Variants in ATP2C1 observed in about 807,000 individuals in gnomAD.
The protein encoded by ATP2C1 is calcium-transporting ATPase type 2C member 1.
A neutral mutation model predicts 120.5 loss-of-function variants in ATP2C1; 31 were observed. That is an observed-to-expected ratio of 0.26 (90% CI 0.19 to 0.35). The LOEUF (loss-of-function observed/expected upper bound fraction) is 0.35. Ranked by LOEUF, ATP2C1 falls within the 10% of genes least tolerant of loss-of-function variation. ATP2C1 has a pLI of 1.00. For synonymous variants in ATP2C1, 351 were observed against 358.7 expected, an observed-to-expected ratio of 0.98 and a Z score of 0.24; for missense variants, 731 against 1,107.5, an observed-to-expected ratio of 0.66 and a Z score of 4.83.
chr3:130,918,288 A>G (rs35247145), intron 2 of ATP2C1: 38 of 1,552,346 alleles, frequency 2.4e-5, no homozygotes, highest in African/African-American at 6.8e-5. Context: ...TTCTTTGCAT[A>G]GCACCCTTTA....
intron 1 of ATP2C1, among the ~76,000 whole-genome samples, chr3:130,873,753 T>G (rs1194544747): frequency 6.6e-6 from 1 of 152,154 alleles, no homozygotes; most frequent in African/African-American, 2.4e-5. Context: ...TTTAAGTAAG[T>G]GTAAATTTAG....
At chr3:130,889,638 C>CTTT (rs1170424148), upstream of ATP2C1, among the ~76,000 whole-genome samples, 1,416 of 77,544 alleles carry the variant, frequency 0.018, 57 homozygotes, top group East Asian at 0.12. Context: ...ATTCTTTAAA[C>CTTT]TTTTTTTTTT....
intron 1 of ATP2C1, among the ~76,000 whole-genome samples, chr3:130,863,525 T>C (rs2068079655): frequency 6.6e-6 from 1 of 152,222 alleles, no homozygotes; most frequent in African/African-American, 2.4e-5. Flanking sequence ...AGATAAAGTC[T>C]TTAAGAATTC....
intron 15 of ATP2C1, 43 bp from the exon 16 acceptor site, chr3:130,967,287 A>C (rs376833659): frequency 1.2e-5 from 20 of 1,611,968 alleles, no homozygotes; most frequent in Non-Finnish European, 1.6e-5. Context: ...ATAATAACTT[A>C]AGACACAGTG....
chr3:130,907,064 TTA>T (rs1475083160), intron 2 of ATP2C1, among the ~76,000 whole-genome samples: 1 of 139,976 alleles, frequency 7.1e-6, no homozygotes, highest in African/African-American at 2.9e-5. Context: ...TAAGAGTTCT[TTA>T]TATATATGTG....
chr3:130,933,633 T>G (rs2059545897), intron 4 of ATP2C1, among the ~76,000 whole-genome samples: 1 of 152,214 alleles, frequency 6.6e-6, no homozygotes, highest in Non-Finnish European at 1.5e-5. Flanking sequence ...TAGGGCAGTT[T>G]AACTTATTAT....
intron 1 of ATP2C1, among the ~76,000 whole-genome samples, chr3:130,853,015 C>T (rs572856567): frequency 6.6e-6 from 1 of 152,196 alleles, no homozygotes; most frequent in East Asian, 1.9e-4. Context: ...TTCCTATATT[C>T]ACATAGCACT....
upstream of ATP2C1, among the ~76,000 whole-genome samples, chr3:130,893,336 C>T (rs1459441763): frequency 6.6e-6 from 1 of 152,218 alleles, no homozygotes; most frequent in African/African-American, 2.4e-5. Context: ...CCATATACCA[C>T]AAACGAATGA....
intron 22 of ATP2C1, 55 bp from the exon 23 acceptor site, chr3:130,995,988 A>G (rs1256621926): frequency 2.6e-6 from 3 of 1,146,538 alleles, no homozygotes; most frequent in African/African-American, 1.5e-5. Context: ...TTTAGTATAG[A>G]TACATTTTTG....
intron 2 of ATP2C1, among the ~76,000 whole-genome samples, chr3:130,908,955 T>G (rs1218953691): frequency 6.6e-6 from 1 of 152,144 alleles, no homozygotes; most frequent in African/African-American, 2.4e-5. Context: ...GATTTATCTT[T>G]TAAGAGTTGT....
intron 6 of ATP2C1, among the ~76,000 whole-genome samples, chr3:130,937,736 C>A (rs1325483502): frequency 2.0e-5 from 3 of 152,074 alleles, no homozygotes; most frequent in Admixed American, 2.0e-4. Context: ...AAACAAAAAG[C>A]ATAGTAATAG....
At position 130,998,362 on chromosome 3, in the gene ATP2C1, G is replaced by T; in HGVS notation, c.2460G>T (p.Met820Ile). The change falls in exon 26 of 28, where the codon ATG (methionine) becomes ATT (isoleucine). Residue 820 changes from methionine (M) to isoleucine (I), a missense_variant. Met to Ile is a conservative substitution (Grantham distance 10). Around this residue, in one of 3 missense-constraint regions of ATP2C1, gnomAD observed 141 missense variants for 201.6 expected, o/e 0.70. Transcript: ENST00000510168. Reference sequence around the variant, plus strand: ...TCACATGCTTTGTGTTTTTTGACATGTTCAATGCACTAAGTTCCAGATCCC... The same window carrying T: ...TCACATGCTTTGTGTTTTTTGACATTTTCAATGCACTAAGTTCCAGATCCC... The part of the protein sequence containing the change: ...MTFTCFVFFD[M>I]FNALSSRSQT... The T allele has an allele frequency of 2.5e-6, 4 of 1,610,216 alleles. No individual in the cohort carries two copies. The highest frequency in any genetic ancestry group is 2.5e-6 in the Non-Finnish European group (3 of 1,176,500).
At position 130,994,021 on chromosome 3, in the gene ATP2C1, G is replaced by C. The variant is rs765962276; in HGVS notation, c.1980G>C (p.Ala660=). The part of the protein sequence containing the change: ...VALKAADIGV[A]MGQTGTDVCK... ...TGAAGGCTGCAGACATTGGAGTTGC[G>C]ATGGGCCAGACTGGTACAGATGTTT... Residue 660 remains alanine, a synonymous_variant, in exon 22 of 28, where the codon GCG becomes GCC. Coordinates refer to ENST00000510168, the MANE Select transcript of ATP2C1 (RefSeq NM_001378687.1). 1 of 1,614,102 alleles carries C rather than the reference G, an allele frequency of 6.2e-7. No individual in the cohort carries two copies. Among genetic ancestry groups the C allele is most frequent in the Non-Finnish European group, 8.5e-7 (1 of 1,180,006 alleles).
At chr3:130,852,113 C>G (rs1393651449) in intron 1 of ATP2C1, among the ~76,000 whole-genome samples, 1 of 152,218 alleles carries the variant, frequency 6.6e-6, no homozygotes, top group Non-Finnish European at 1.5e-5. Flanking sequence ...TCCAGTTTAT[C>G]TTACTTAGGC....
intron 27 of ATP2C1, among the ~76,000 whole-genome samples, chr3:131,000,988 A>C (rs1406630557): frequency 1.3e-5 from 2 of 151,662 alleles, no homozygotes; most frequent in Non-Finnish European, 2.9e-5. Flanking sequence ...CTGTAATCCC[A>C]GCCACTTGGG....
intron 2 of ATP2C1, among the ~76,000 whole-genome samples, chr3:130,908,158 G>T (rs1559907586): frequency 6.6e-6 from 1 of 152,110 alleles, no homozygotes; most frequent in African/African-American, 2.4e-5. Context: ...TTGGAGATCA[G>T]TAGCAGTAGC....
intron 1 of ATP2C1, among the ~76,000 whole-genome samples, chr3:130,869,718 C>CT (rs1174292856): frequency 6.6e-6 from 1 of 152,190 alleles, no homozygotes; most frequent in East Asian, 1.9e-4. Context: ...GAGTAAGTCT[C>CT]TAACTCTCTT....
chr3:130,998,637 C>T (rs887071387), intron 26 of ATP2C1, among the ~76,000 whole-genome samples: 26 of 152,116 alleles, frequency 1.7e-4, no homozygotes, highest in Non-Finnish European at 3.2e-4. Context: ...TTGTCATCTG[C>T]GTTTAGCTGG....
chr3:130,928,747 A>C (rs568793290), intron 2 of ATP2C1, among the ~76,000 whole-genome samples: 1 of 152,328 alleles, frequency 6.6e-6, no homozygotes, highest in South Asian at 2.1e-4. Flanking sequence ...ATATATATGA[A>C]GAAGATGAGG....
Sources: gnomAD v4.1 joint callset for allele counts (sites outside exome capture counted in the v4.1 genomes callset) on GRCh38, gnomAD v4.1.1 for gene constraint, gnomAD v4.1.1 regional missense constraint, MANE v1.5 for transcripts, NCBI Gene and HGNC (gene_info 2026-07-23, HGNC 2026-07-21) for gene names.